The following EML6 variants were observed in gnomAD, a reference collection of about 807,000 sequenced individuals.
EML6 encodes the protein EMAP like 6, also known as echinoderm microtubule-associated protein-like 6.
A neutral mutation model predicts 240.1 loss-of-function variants in EML6; 154 were observed. That is an observed-to-expected ratio of 0.64 (90% CI 0.56 to 0.73). The LOEUF is 0.73. Among genes scored for constraint, EML6 ranks in the 30% least tolerant of loss-of-function variants. EML6 has a pLI of 0.00. For missense variants in EML6, 2,964 were observed against 2,474.6 expected, an observed-to-expected ratio of 1.20 and a Z score of -4.20; for synonymous variants, 1,148 against 899.0, an observed-to-expected ratio of 1.28 and a Z score of -4.95.
At chr2:54,767,702 G>A (rs565277830) in intron 2 of EML6, among the ~76,000 whole-genome samples, 122 of 151,472 alleles carry the variant, frequency 8.1e-4, no homozygotes, top group African/African-American at 2.8e-3. Context: ...TTGTAGAGAC[G>A]GGGTCTCATT....
intron 2 of EML6, among the ~76,000 whole-genome samples, chr2:54,767,428 A>T (rs1184054856): frequency 1.3e-5 from 2 of 152,188 alleles, no homozygotes; most frequent in East Asian, 3.8e-4. Context: ...GTATACTTTT[A>T]TTTTAAGAAA....
At chr2:54,906,780 C>T (rs1164476724) in intron 24 of EML6, among the ~76,000 whole-genome samples, 1 of 152,158 alleles carries the variant, frequency 6.6e-6, no homozygotes, top group African/African-American at 2.4e-5. Flanking sequence ...TCCTGCATTC[C>T]CAACACCTCA....
chr2:54,901,099 A>T (rs1186385757), intron 22 of EML6, among the ~76,000 whole-genome samples: 2 of 152,242 alleles, frequency 1.3e-5, no homozygotes, highest in Non-Finnish European at 2.9e-5. Flanking sequence ...CAACTATGCC[A>T]GCTCTTTCCA....
chr2:54,860,760 G>T (rs754372140), intron 12 of EML6, among the ~76,000 whole-genome samples: 2 of 152,080 alleles, frequency 1.3e-5, no homozygotes, highest in Non-Finnish European at 2.9e-5. Context: ...CACTTGCAGC[G>T]GCTTCTTCTC....
rs1477390153 is a variant in EML6 at position 54,724,604 on chromosome 2, C to T, written c.-458C>T. On this transcript the variant is annotated 5_prime_UTR_variant, in exon 2 of 42. The change creates a premature stop within an existing upstream ORF in the 5' untranslated region. Transcript: ENST00000356458. The surrounding 1 kb of genome is among the most constrained non-coding windows in gnomAD (Gnocchi z 5.2). ...GGCAGAGCTCACCCGGGTTGCCTGT[C>T]AAATCAAGGCTATCGCAGAATAAAT... 3 of 152,248 alleles carry T rather than the reference C, an allele frequency of 2.0e-5. No homozygotes were observed. Among genetic ancestry groups the T allele is most frequent in the East Asian group, 3.9e-4 (2 of 5,188 alleles). The allele number at this position is 152,248 out of a possible 1,614,324, so 9.4% of individuals were successfully genotyped here. A position where few individuals can be genotyped will look rare whatever the true frequency, so the allele number is the denominator to read the frequency against.
At chr2:54,842,412 G>A (rs1377990582) in intron 7 of EML6, among the ~76,000 whole-genome samples, 1 of 152,098 alleles carries the variant, frequency 6.6e-6, no homozygotes, top group African/African-American at 2.4e-5. Flanking sequence ...CCTCTTAAAG[G>A]CGTTCTAATT....
Position 54,796,357 on chromosome 2 carries a change from G to C in EML6, c.198-16875G>C, listed in dbSNP as rs574458278. 4.3e-4 allele frequency among the ~76,000 whole-genome samples: 66 copies of C among 152,190 alleles called. No homozygotes were observed. In the Middle Eastern group the frequency reaches 0.014, roughly 31 times the overall value. On this transcript the variant is annotated intron_variant, in intron 2 of 41. Coordinates refer to ENST00000356458, the MANE Select transcript of EML6 (RefSeq NM_001039753.4). Reference sequence around the variant, plus strand: ...CAATAGGAGCCTAAAGAAGCTAAATGACCTATTTCTTCAGAGAATCCATTT... The same window carrying C: ...CAATAGGAGCCTAAAGAAGCTAAATCACCTATTTCTTCAGAGAATCCATTT...
At chr2:54,804,568 G>T (rs989746247) in intron 2 of EML6, among the ~76,000 whole-genome samples, 1 of 152,210 alleles carries the variant, frequency 6.6e-6, no homozygotes, top group Non-Finnish European at 1.5e-5. Context: ...CCCACTTCCT[G>T]CCTGTGGAAG....
intron 17 of EML6, among the ~76,000 whole-genome samples, chr2:54,885,460 AT>A (rs1042673728): frequency 7.9e-5 from 12 of 151,244 alleles, no homozygotes; most frequent in Non-Finnish European, 1.6e-4. Context: ...AAAAAAAAAA[AT>A]TTTTTTTGGA....
intron 2 of EML6, among the ~76,000 whole-genome samples, chr2:54,762,211 T>G (rs1160069306): frequency 6.6e-6 from 1 of 152,206 alleles, no homozygotes; most frequent in African/African-American, 2.4e-5. Flanking sequence ...CCAGTTCTTT[T>G]ACTGAATGTC....
At chr2:54,806,506 G>C (rs538407807) in intron 2 of EML6, among the ~76,000 whole-genome samples, 13 of 150,094 alleles carry the variant, frequency 8.7e-5, no homozygotes, top group East Asian at 5.9e-4. Flanking sequence ...CCAACTACTC[G>C]GGATGCTGAG....
chr2:54,767,507 T>A (rs1357663251), intron 2 of EML6, among the ~76,000 whole-genome samples: 2 of 152,126 alleles, frequency 1.3e-5, no homozygotes, highest in Non-Finnish European at 2.9e-5. Flanking sequence ...TTTATTTTAT[T>A]TCTACTATGT....
chr2:54,880,181 C>G (rs1671739615), intron 17 of EML6: 1 of 153,054 alleles, frequency 6.5e-6, no homozygotes, highest in South Asian at 2.1e-4. Flanking sequence ...TCCTCCCTTA[C>G]CCCAGCCTTC....
intron 2 of EML6, among the ~76,000 whole-genome samples, chr2:54,811,522 G>A (rs925034242): frequency 6.6e-6 from 1 of 152,084 alleles, no homozygotes; most frequent in Non-Finnish European, 1.5e-5. Context: ...TTGACATATC[G>A]TGATTATTTC....
intron 16 of EML6, among the ~76,000 whole-genome samples, chr2:54,875,844 A>T (rs1468734672): frequency 6.6e-6 from 1 of 152,222 alleles, no homozygotes; most frequent in African/African-American, 2.4e-5. Context: ...GAAAAGGTCA[A>T]CCACAGAAGT....
intron 26 of EML6, among the ~76,000 whole-genome samples, chr2:54,925,134 G>C (rs1463630067): frequency 2.6e-5 from 4 of 152,112 alleles, no homozygotes; most frequent in Non-Finnish European, 4.4e-5. Flanking sequence ...GCCCTAATCT[G>C]ATAGAATCAG....
At chr2:54,852,792 A>T (rs925744507) in intron 10 of EML6, among the ~76,000 whole-genome samples, 1 of 152,188 alleles carries the variant, frequency 6.6e-6, no homozygotes, top group African/African-American at 2.4e-5. Context: ...ACTTATTCTG[A>T]GAGAGAAGTT....
chr2:54,867,919 A>G (rs1463667041), intron 14 of EML6: 1 of 152,176 alleles, frequency 6.6e-6, no homozygotes, highest in African/African-American at 2.4e-5. Flanking sequence ...ACCCTCTGCA[A>G]GAAAAAAAAT....
intron 2 of EML6, among the ~76,000 whole-genome samples, chr2:54,802,936 G>A (rs73935223): frequency 0.036 from 5,521 of 152,170 alleles, 353 homozygotes; most frequent in African/African-American, 0.13. Flanking sequence ...TCCAAACTGC[G>A]CAGAATTGAG....
Sources: allele counts gnomAD v4.1 joint callset (sites outside exome capture counted in the v4.1 genomes callset), GRCh38; gene constraint gnomAD v4.1.1; non-coding constraint Gnocchi (gnomAD v3.1); transcripts MANE v1.5; gene names NCBI Gene and HGNC (gene_info 2026-07-23, HGNC 2026-07-21).